ATAD2B: variants seen among roughly 807,000 people sequenced by gnomAD.
The protein encoded by ATAD2B is ATPase family AAA domain containing 2B.
In ATAD2B, 40 loss-of-function variants were observed where a neutral mutation model predicts 167.6. That is an observed-to-expected ratio of 0.24 (90% CI 0.19 to 0.31). The LOEUF is 0.31. Among genes scored for constraint, ATAD2B ranks in the 10% least tolerant of loss-of-function variants. The pLI is 1.00. For missense variants in ATAD2B, 1,242 were observed against 1,757.2 expected (o/e 0.71, Z 5.24); for synonymous variants, 579 against 596.5 (o/e 0.97, Z 0.43).
rs148544931 is a variant in ATAD2B at position 23,845,503 on chromosome 2, T to C, written c.1569-11425A>G. 9.9e-4 allele frequency among the ~76,000 whole-genome samples: 149 copies of C among 150,520 alleles called. 1 individual carries two copies. Among genetic ancestry groups the C allele is most frequent in the African/African-American group, 3.5e-3 (144 of 41,046 alleles). On this transcript the variant is annotated intron_variant, in intron 13 of 27. Coordinates refer to ENST00000238789, the MANE Select transcript of ATAD2B (RefSeq NM_017552.4). ...AAAATGTCTAGAAAAGGCCAATCTA[T>C]ACAGAGATTAGATTAGTGGTTGGCT...
intron 13 of ATAD2B, among the ~76,000 whole-genome samples, chr2:23,838,670 G>A (rs1690389731): frequency 1.3e-5 from 2 of 152,060 alleles, no homozygotes; most frequent in African/African-American, 2.4e-5. Context: ...ATGTGTAGAG[G>A]AATCCAGGTT....
intron 23 of ATAD2B, among the ~76,000 whole-genome samples, chr2:23,763,779 A>G (rs1677053351): frequency 6.6e-6 from 1 of 151,956 alleles, no homozygotes; most frequent in East Asian, 1.9e-4. Context: ...TTTTGTAGAG[A>G]TGGTATCTTG....
chr2:23,885,133 G>A (rs1698488149), intron 5 of ATAD2B, among the ~76,000 whole-genome samples: 1 of 152,124 alleles, frequency 6.6e-6, no homozygotes. Flanking sequence ...CCTAGTAGGA[G>A]GGAAATAAGA....
At chr2:23,723,111 G>A in the ATAD2B span, among the ~76,000 whole-genome samples, 1 of 152,108 alleles carries the variant, frequency 6.6e-6, no homozygotes, top group Admixed American at 6.5e-5. Context: ...GGGCAACATG[G>A]CGAAACCCCA....
the ATAD2B span, among the ~76,000 whole-genome samples, chr2:23,698,185 A>G: frequency 0.54 from 81,633 of 152,080 alleles, 22,652 homozygotes; most frequent in East Asian, 0.79. Flanking sequence ...GCATGGGCAC[A>G]GTGTGAGCGA....
At chr2:23,704,818 T>C in the ATAD2B span, among the ~76,000 whole-genome samples, 1 of 152,224 alleles carries the variant, frequency 6.6e-6, no homozygotes, top group Non-Finnish European at 1.5e-5. Flanking sequence ...CCATAGCAGA[T>C]GCTTCCTGAA....
chr2:23,821,223 A>T (rs541655943), intron 16 of ATAD2B, among the ~76,000 whole-genome samples: 164 of 152,350 alleles, frequency 1.1e-3, no homozygotes, highest in Non-Finnish European at 2.1e-3. Flanking sequence ...AAAAAGCTAT[A>T]AGAAAACATA....
intron 18 of ATAD2B, among the ~76,000 whole-genome samples, 180 bp from the exon 19 acceptor site, chr2:23,798,503 CAAA>C (rs199838286): frequency 7.5e-6 from 1 of 133,710 alleles, no homozygotes; most frequent in Admixed American, 7.6e-5. Context: ...CTTGCCCCAC[CAAA>C]AAAAAAAAAA....
At chr2:23,714,371 C>T in the ATAD2B span, among the ~76,000 whole-genome samples, 1 of 149,610 alleles carries the variant, frequency 6.7e-6, no homozygotes, top group Admixed American at 6.7e-5. Context: ...TCCCGAGTAG[C>T]TGGGACTACA....
chr2:23,711,630 C>G, the ATAD2B span, among the ~76,000 whole-genome samples: 5 of 152,046 alleles, frequency 3.3e-5, no homozygotes, highest in African/African-American at 1.2e-4. Flanking sequence ...CTCACCCTCC[C>G]AAAATGCTGG....
chr2:23,759,806 G>A (rs548616069), intron 24 of ATAD2B, among the ~76,000 whole-genome samples: 21 of 152,262 alleles, frequency 1.4e-4, no homozygotes, highest in African/African-American at 4.8e-4. Context: ...CACAGGCTCA[G>A]GTGATGGGCA....
intron 9 of ATAD2B, 67 bp downstream of exon 9, chr2:23,869,596 A>G (rs1695616751): frequency 9.1e-7 from 1 of 1,098,284 alleles, no homozygotes; most frequent in African/African-American, 1.6e-5. Flanking sequence ...TAGCAAAGAA[A>G]ATCACTCAAA....
Position 23,810,296 on chromosome 2 carries a change from C to G in ATAD2B, c.2454+20G>C, listed in dbSNP as rs1054381131. The G allele has an allele frequency of 4.4e-6, 7 of 1,599,642 alleles. No homozygotes were observed. Among genetic ancestry groups the G allele is most frequent in the Non-Finnish European group, 6.0e-6 (7 of 1,168,824 alleles). On this transcript the variant is annotated intron_variant, in intron 18 of 27. Coordinates refer to ENST00000238789, the MANE Select transcript of ATAD2B (RefSeq NM_017552.4). ...AAGCAATAAGAAAGTTGGAAGTGCT[C>G]TGATGTGGTACAAACCTACCTGTGC... is the stretch of plus-strand genomic sequence containing the variant.
the ATAD2B span, among the ~76,000 whole-genome samples, chr2:23,699,583 TC>T: frequency 6.6e-5 from 10 of 152,150 alleles, no homozygotes; most frequent in Non-Finnish European, 1.2e-4. Context: ...TTGTCCTTTC[TC>T]CCCTGTCTTG....
At chr2:23,748,286 G>T (rs1421117919), downstream of ATAD2B, among the ~76,000 whole-genome samples, 1 of 152,054 alleles carries the variant, frequency 6.6e-6, no homozygotes, top group Non-Finnish European at 1.5e-5. Context: ...TCCATATTAT[G>T]TGCTATACTG....
At chr2:23,818,107 A>AT (rs1686765190) in intron 17 of ATAD2B, among the ~76,000 whole-genome samples, 1 of 129,078 alleles carries the variant, frequency 7.7e-6, no homozygotes, top group South Asian at 2.5e-4. Flanking sequence ...ACACACACAC[A>AT]CACACACACA....
chr2:23,788,311 A>G (rs1394822379), intron 20 of ATAD2B: 1 of 547,132 alleles, frequency 1.8e-6, no homozygotes, highest in Admixed American at 3.1e-5. Context: ...AGTCCTGTTT[A>G]GCAAAGCTTT....
rs1409830780 is a variant in ATAD2B at position 23,757,950 on chromosome 2, T to G, written c.3546A>C (p.Gly1182=). The G allele has an allele frequency of 4.3e-6, 7 of 1,613,704 alleles. No individual in the cohort carries two copies. The South Asian group carries it at 5.5e-5, about 13-fold the overall frequency. Residue 1182 remains glycine, a synonymous_variant, in exon 25 of 28, where the codon GGA becomes GGC. Transcript: ENST00000238789. ...HTEDRKLLEN[G]EFEVSTDCHE... ...GGCAGTCAGTGCTTACCTCAAACTC[T>G]CCATTCTCTAATAATTTCCTGTCCT...
At chr2:23,816,960 T>C (rs992856197) in intron 17 of ATAD2B, among the ~76,000 whole-genome samples, 1 of 152,214 alleles carries the variant, frequency 6.6e-6, no homozygotes, top group Non-Finnish European at 1.5e-5. Context: ...CCCAGGCTAG[T>C]GTGACTGAAA....
Sources: allele counts gnomAD v4.1 joint callset (sites outside exome capture counted in the v4.1 genomes callset), GRCh38; gene constraint gnomAD v4.1.1; transcripts MANE v1.5; gene names NCBI Gene and HGNC (gene_info 2026-07-23, HGNC 2026-07-21).